ZNF541: variants seen among roughly 807,000 people sequenced by gnomAD.
ZNF541 encodes zinc finger protein 541.
ZNF541 carries 23 observed loss-of-function variants against 123.5 expected under a neutral mutation model. The observed-to-expected ratio is 0.19, with a 90% CI of 0.13 to 0.26. The LOEUF (loss-of-function observed/expected upper bound fraction) is 0.26. Ranked by LOEUF, ZNF541 falls within the 10% of genes least tolerant of loss-of-function variation. ZNF541 has a pLI of 1.00. For missense variants in ZNF541, 1,612 were observed against 1,789.9 expected, an observed-to-expected ratio of 0.90 and a Z score of 1.79; for synonymous variants, 751 against 754.5, an observed-to-expected ratio of 1.00 and a Z score of 0.08.
chr19:47,538,171 C>A lies in ZNF541; in HGVS notation c.3065G>T (p.Ser1022Ile), dbSNP rs759242573. The A allele has an allele frequency of 1.4e-5, 21 of 1,550,990 alleles. No homozygotes were observed. In the South Asian group the frequency reaches 2.3e-4, roughly 17 times the overall value. Residue 1022 changes from serine (S) to isoleucine (I), a missense_variant, in exon 9 of 17, where the codon AGC becomes ATC. This residue lies in a region of ZNF541 where 285 missense variants were observed against 407.3 expected (regional missense o/e 0.70). Transcript: ENST00000391901. ...NTLCSTSTQA[S>I]PDQLISSMLD... Reference sequence around the variant, plus strand: ...CATGGAGCTGATGAGCTGGTCAGGGCTGGCCTGAGTGGACGTGGAACAGAG... The same window carrying A: ...CATGGAGCTGATGAGCTGGTCAGGGATGGCCTGAGTGGACGTGGAACAGAG...
rs1968996384 is a variant in ZNF541 at position 47,520,966 on chromosome 19, G to T, written c.*258C>A. 4.4e-6 allele frequency: 2 copies of T among 457,368 alleles called. No individual in the cohort carries two copies. The highest frequency in any genetic ancestry group is 3.9e-5 in the African/African-American group (2 of 51,462). The allele number at this position is 457,368 out of a possible 1,614,324, so 28.3% of individuals were successfully genotyped here. A position where few individuals can be genotyped will look rare whatever the true frequency, so the allele number is the denominator to read the frequency against. On this transcript the variant is annotated 3_prime_UTR_variant, in exon 17 of 17. Coordinates refer to ENST00000391901, the MANE Select transcript of ZNF541 (RefSeq NM_001277075.3). Reference sequence around the variant, plus strand: ...CCCAAGCCTCCCTGCTCTAGAAGTGGAAGGGAAAGAAGGGGAGAGACTATG... The same window carrying T: ...CCCAAGCCTCCCTGCTCTAGAAGTGTAAGGGAAAGAAGGGGAGAGACTATG...
Position 47,545,479 on chromosome 19 carries a change from G to C in ZNF541, c.1050C>G (p.Phe350Leu). The C allele has an allele frequency of 6.7e-7, 1 of 1,489,516 alleles. No homozygotes were observed. The highest frequency in any genetic ancestry group is 1.3e-5 in the South Asian group (1 of 74,480). 92.3% of individuals were successfully genotyped at this position (1,489,516 alleles called of 1,614,324 possible). A position where few individuals can be genotyped will look rare whatever the true frequency, so the allele number is the denominator to read the frequency against. The part of the protein sequence containing the change: ...LPQKEPATDV[F>L]TAPNSRAAEN... ...CGGCGGCCCTGGAATTAGGGGCTGT[G>C]AACACGTCAGTGGCCGGCTCTTTCT... is the stretch of plus-strand genomic sequence containing the variant. The change falls in exon 5 of 17, where the codon TTC (phenylalanine) becomes TTG (leucine). Residue 350 changes from phenylalanine (F) to leucine (L), a missense_variant. This residue lies in a region of ZNF541 where 1,080 missense variants were observed against 1,013.8 expected (regional missense o/e 1.07). Coordinates refer to ENST00000391901, the MANE Select transcript of ZNF541 (RefSeq NM_001277075.3). This position sits in a 1 kb window ranked among gnomAD's most constrained non-coding sequence, Gnocchi z 7.5.
rs149059082 is a variant in ZNF541 at position 47,560,821 on chromosome 19, C to T, written c.-98-4867G>A. ...CAAAACTGGAAGCAATCAAGACATC[C>T]CTCAATAGGTGAATGGATCAACAAA... On this transcript the variant is annotated intron_variant, in intron 2 of 16. Transcript: ENST00000391901. Among the ~76,000 whole-genome samples, 115 of 152,168 alleles carry T rather than the reference C, an allele frequency of 7.6e-4. 1 individual carries two copies. In the East Asian group the frequency reaches 0.022, roughly 29 times the overall value.
chr19:47,521,050 A>T lies in ZNF541; in HGVS notation c.*174T>A. The stretch of plus-strand genomic sequence containing the variant: ...GACAGGGACTGCATAGCTGTCCGAC[A>T]ACTGAGCTCCTCCTGCCTATCTGTG... On this transcript the variant is annotated 3_prime_UTR_variant, in exon 17 of 17. Coordinates refer to ENST00000391901, the MANE Select transcript of ZNF541 (RefSeq NM_001277075.3). The surrounding 1 kb of genome is among the most constrained non-coding windows in gnomAD (Gnocchi z 4.2). 1.4e-6 allele frequency: 1 copy of T among 733,808 alleles called. No homozygotes were observed. 45.5% of individuals were successfully genotyped at this position (733,808 alleles called of 1,614,324 possible).
intron 2 of ZNF541, among the ~76,000 whole-genome samples, chr19:47,559,865 A>G (rs1283015729): frequency 2.0e-5 from 3 of 151,720 alleles, no homozygotes; most frequent in East Asian, 1.9e-4. Context: ...AAAAAAAAAA[A>G]AAATGGTGAC....
chr19:47,559,922 C>T (rs187364615), intron 2 of ZNF541, among the ~76,000 whole-genome samples: 1 of 152,068 alleles, frequency 6.6e-6, no homozygotes, highest in African/African-American at 2.4e-5. Flanking sequence ...TTACCCCTGC[C>T]CCATCCCTAC....
chr19:47,543,038 G>A (rs1054590430), intron 5 of ZNF541, among the ~76,000 whole-genome samples: 2 of 152,118 alleles, frequency 1.3e-5, no homozygotes, highest in African/African-American at 4.8e-5. Flanking sequence ...ACTTTAGGAG[G>A]CCGAGATGAG....
rs10586987 is a variant in ZNF541, at chr19:47,530,335, AT to A, written c.3406-684del. Among the ~76,000 whole-genome samples the A allele has an allele frequency of 2.6e-3, 343 of 131,886 alleles. 2 individuals are homozygous for A. The highest frequency in any genetic ancestry group is 5.5e-3 in the South Asian group (23 of 4,162). The allele number at this position is 131,886 out of a possible 152,430, so 86.5% of individuals were successfully genotyped here. ...AGGTATCTGCCACCACTCCCTGCTA[AT>A]TTTTTTTTTTTTTTTTTTTGTATTT... is the stretch of plus-strand genomic sequence containing the variant. On this transcript the variant is annotated intron_variant, in intron 12 of 16. Coordinates refer to ENST00000391901, the MANE Select transcript of ZNF541 (RefSeq NM_001277075.3).
Position 47,571,744 on chromosome 19 carries a change from GC to G in ZNF541, c.-99+151del, listed in dbSNP as rs373911011. On this transcript the variant is annotated intron_variant, in intron 2 of 16. Coordinates refer to ENST00000391901, the MANE Select transcript of ZNF541 (RefSeq NM_001277075.3). Reference sequence around the variant, plus strand: ...AACAGGTCAACATGCACAATAAATAGCCCTTTTCCCTGTTTGACTTCTCCAA... The same window carrying G: ...AACAGGTCAACATGCACAATAAATAGCCTTTTCCCTGTTTGACTTCTCCAA... 9.2e-5 allele frequency among the ~76,000 whole-genome samples: 14 copies of G among 152,144 alleles called. No individual in the cohort carries two copies. The South Asian group carries it at 2.9e-3, about 32-fold the overall frequency.
rs559907033 is a variant in ZNF541 at position 47,555,629 on chromosome 19, G to A, written c.228C>T (p.Ser76=). The part of the protein sequence containing the change: ...EVLEDNLDTL[S]LYSGKDSDSV... ...AATCACTGTCCTTCCCGGAGTACAG[G>A]GACAAGGTGTCTAAGTTGTCCTCCA... Residue 76 remains serine, a synonymous_variant, in exon 3 of 17, where the codon TCC becomes TCT. Transcript: ENST00000391901. 1 of 1,551,632 alleles carries A rather than the reference G, an allele frequency of 6.4e-7. No homozygotes were observed. The highest frequency in any genetic ancestry group is 1.2e-5 in the South Asian group (1 of 84,064).
In ZNF541 at chr19:47,544,418, C is replaced by T; in HGVS notation, c.2111G>A (p.Gly704Asp). 1 of 1,551,606 alleles carries T rather than the reference C, an allele frequency of 6.4e-7. No homozygotes were observed. Among genetic ancestry groups the T allele is most frequent in the Non-Finnish European group, 8.7e-7 (1 of 1,147,006 alleles). The change falls in exon 5 of 17, where the codon GGT becomes GAT. Residue 704 changes from glycine to aspartate, a missense_variant. Gly to Asp is a moderately conservative substitution (Grantham distance 94, BLOSUM62 -1). Coordinates refer to ENST00000391901, the MANE Select transcript of ZNF541 (RefSeq NM_001277075.3). Reference protein sequence around the residue: ...PSTGQRQTQLGGEEPPGASLP... With the variant: ...PSTGQRQTQLDGEEPPGASLP... ...CGAGGCTCCTGGTGGCTCCTCCCCA[C>T]CTAACTGGGTCTGCCGTTGGCCTGT...
chr19:47,538,257 G>A lies in ZNF541; in HGVS notation c.2979C>T (p.Pro993=), dbSNP rs1195499597. 5.8e-6 allele frequency: 9 copies of A among 1,551,402 alleles called. No individual in the cohort carries two copies. The Admixed American group carries it at 9.8e-5, about 17-fold the overall frequency. The part of the protein sequence containing the change: ...CLLKGLFQCS[P]YTPPPMLSPI... ...GGCTGAGCATTGGGGGTGGTGTGTAGGGGGAGCACTGGAATAAGCCCTTCA... is the reference window on the plus strand; with the variant it reads ...GGCTGAGCATTGGGGGTGGTGTGTAAGGGGAGCACTGGAATAAGCCCTTCA... The change falls in exon 9 of 17, where the codon CCC becomes CCT. Residue 993 remains proline, a synonymous_variant. Transcript: ENST00000391901.
At chr19:47,542,730 G>A (rs1488205292) in intron 5 of ZNF541, among the ~76,000 whole-genome samples, 1 of 151,570 alleles carries the variant, frequency 6.6e-6, no homozygotes, top group African/African-American at 2.4e-5. Flanking sequence ...GGTGGATCAC[G>A]AGGTCAGGAG....
Position 47,545,602 on chromosome 19 carries a change from G to A in ZNF541, c.927C>T (p.Cys309=). 6.5e-7 allele frequency: 1 copy of A among 1,547,944 alleles called. No individual in the cohort carries two copies. Among genetic ancestry groups the A allele is most frequent in the Non-Finnish European group, 8.7e-7 (1 of 1,144,890 alleles). ...AGGACGAGGACCCCGATGAGGCGGG[G>A]CAGGGACAGGCAGTGTTCCTCCCTT... The part of the protein sequence containing the change: ...DSEGRNTACP[C]PASSGSSSCT... Residue 309 remains cysteine, a synonymous_variant, in exon 5 of 17, where the codon TGC becomes TGT. Transcript: ENST00000391901. This position sits in a 1 kb window ranked among gnomAD's most constrained non-coding sequence, Gnocchi z 7.5.
chr19:47,539,743 C>T lies in ZNF541; in HGVS notation c.2758G>A (p.Val920Met), dbSNP rs756694351. 17 of 1,454,184 alleles carry T rather than the reference C, an allele frequency of 1.2e-5. No individual in the cohort carries two copies. In the South Asian group the frequency reaches 1.7e-4, roughly 15 times the overall value. 90.1% of individuals were successfully genotyped at this position (1,454,184 alleles called of 1,614,324 possible). ...APLVVPQSIP[V>M]VPVTRHIGSM... ...CCTATGTGTCGGGTCACTGGAACCA[C>T]GGGGATCGATTGGGGGACCACCAAA... Residue 920 changes from valine (V) to methionine (M), a missense_variant, in exon 8 of 17, where the codon GTG (valine) becomes ATG (methionine). By Grantham distance (21) the Val-to-Met change is conservative. This residue lies in a region of ZNF541 where 1,080 missense variants were observed against 1,013.8 expected (regional missense o/e 1.07). Coordinates refer to ENST00000391901, the MANE Select transcript of ZNF541 (RefSeq NM_001277075.3).
chr19:47,545,791 G>A lies in ZNF541; in HGVS notation c.738C>T (p.Ala246=). 4 of 1,542,012 alleles carry A rather than the reference G, an allele frequency of 2.6e-6. No individual in the cohort carries two copies. The highest frequency in any genetic ancestry group is 2.5e-5 in the East Asian group (1 of 40,760). ...GCAGGCTGCTGGGGGGCGGCTGGCC[G>A]GCCGACTCGTGGGCGTGGGGGGAGT... The part of the protein sequence containing the change: ...CGDSPHAHES[A]GQPPPSSLRS... Residue 246 remains alanine (A), a synonymous_variant, in exon 5 of 17, where the codon GCC becomes GCT. Transcript: ENST00000391901. The surrounding 1 kb of genome is among the most constrained non-coding windows in gnomAD (Gnocchi z 7.5).
In ZNF541 at chr19:47,545,821, G is replaced by A. The variant is rs748731735; in HGVS notation, c.708C>T (p.Cys236=). The change falls in exon 5 of 17, where the codon TGC becomes TGT. Residue 236 remains cysteine (C), a synonymous_variant. Coordinates refer to ENST00000391901, the MANE Select transcript of ZNF541 (RefSeq NM_001277075.3). The surrounding 1 kb of genome is among the most constrained non-coding windows in gnomAD (Gnocchi z 7.5). The part of the protein sequence containing the change: ...LKEAPPEEEA[C]GDSPHAHESA... ...ACTCGTGGGCGTGGGGGGAGTCCCC[G>A]CAGGCCTCTTCCTCCGGGGGGGCTT... 31 of 1,547,390 alleles carry A rather than the reference G, an allele frequency of 2.0e-5. No individual in the cohort carries two copies. Among genetic ancestry groups the A allele is most frequent in the Non-Finnish European group, 2.5e-5 (29 of 1,145,826 alleles).
intron 12 of ZNF541, 71 bp from the exon 13 acceptor site, chr19:47,529,723 A>T (rs1282358336): frequency 1.4e-6 from 2 of 1,425,750 alleles, no homozygotes; most frequent in Non-Finnish European, 1.9e-6. Context: ...CCTCCCATTC[A>T]TCTGAAAAAC....
intron 2 of ZNF541, among the ~76,000 whole-genome samples, chr19:47,556,763 T>TC (rs1237274636): frequency 6.7e-6 from 1 of 150,018 alleles, no homozygotes; most frequent in African/African-American, 2.4e-5. Flanking sequence ...TCTTTTCCTT[T>TC]TTTTTTTTTT....
Sources: gnomAD v4.1 joint callset for allele counts (sites outside exome capture counted in the v4.1 genomes callset) on GRCh38, gnomAD v4.1.1 for gene constraint, gnomAD v4.1.1 regional missense constraint, Gnocchi (gnomAD v3.1) non-coding constraint, MANE v1.5 for transcripts, NCBI Gene and HGNC (gene_info 2026-07-23, HGNC 2026-07-21) for gene names.